Variants in UNC13C observed in about 807,000 individuals in gnomAD.
UNC13C encodes unc-13 homolog C, also known as protein unc-13 homolog C.
UNC13C carries 174 observed loss-of-function variants against 245.4 expected under a neutral mutation model. The observed-to-expected ratio is 0.71, with a 90% CI of 0.63 to 0.80. UNC13C has a LOEUF of 0.80. Among genes scored for constraint, UNC13C ranks in the 30% least tolerant of loss-of-function variants. UNC13C has a pLI of 0.00. For synonymous variants in UNC13C, 992 were observed against 895.1 expected, an observed-to-expected ratio of 1.11 and a Z score of -1.93; for missense variants, 2,829 against 2,602.9, an observed-to-expected ratio of 1.09 and a Z score of -1.89.
At chr15:54,625,488 A>G (rs574231330) in intron 32 of UNC13C, among the ~76,000 whole-genome samples, 1 of 152,254 alleles carries the variant, frequency 6.6e-6, no homozygotes, top group African/African-American at 2.4e-5. Flanking sequence ...AATGTTTTAA[A>G]TCTATTAATT....
intron 1 of UNC13C, among the ~76,000 whole-genome samples, chr15:53,985,938 C>T (rs778438669): frequency 6.6e-6 from 1 of 152,022 alleles, no homozygotes; most frequent in African/African-American, 2.4e-5. Context: ...CATTTACCTC[C>T]CTCCTGAGCA....
chr15:54,160,496 G>C (rs1403185370), intron 4 of UNC13C, among the ~76,000 whole-genome samples: 1 of 151,386 alleles, frequency 6.6e-6, no homozygotes, highest in Non-Finnish European at 1.5e-5. Context: ...ACTTACTTAT[G>C]TTCTGAAAAA....
chr15:54,254,357 A>G (rs527583835), intron 8 of UNC13C, among the ~76,000 whole-genome samples: 2 of 152,232 alleles, frequency 1.3e-5, no homozygotes, highest in Admixed American at 6.5e-5. Flanking sequence ...GTGAACATGT[A>G]TCTTGGAAAG....
intron 17 of UNC13C, among the ~76,000 whole-genome samples, chr15:54,391,088 C>T (rs1373909312): frequency 2.6e-5 from 4 of 152,124 alleles, no homozygotes; most frequent in Non-Finnish European, 5.9e-5. Flanking sequence ...ATTTCAACTA[C>T]TTCTGTCTCT....
chr15:54,159,311 T>C (rs2032879817), intron 4 of UNC13C, among the ~76,000 whole-genome samples: 2 of 152,192 alleles, frequency 1.3e-5, no homozygotes, highest in South Asian at 4.1e-4. Flanking sequence ...ACAGTAAATA[T>C]CTTACACAGA....
chr15:54,029,647 C>G (rs1338122805), intron 2 of UNC13C, among the ~76,000 whole-genome samples: 1 of 152,180 alleles, frequency 6.6e-6, no homozygotes, highest in Non-Finnish European at 1.5e-5. Context: ...TATTAGTAAT[C>G]AGCAAGAAAG....
At chr15:54,131,039 T>C (rs185333529) in intron 2 of UNC13C, among the ~76,000 whole-genome samples, 9 of 152,354 alleles carry the variant, frequency 5.9e-5, no homozygotes, top group Non-Finnish European at 1.2e-4. Flanking sequence ...TGTTTCAATA[T>C]TCCTGTGAGC....
intron 4 of UNC13C, among the ~76,000 whole-genome samples, chr15:54,207,906 G>A (rs2034764875): frequency 6.6e-6 from 1 of 152,072 alleles, no homozygotes; most frequent in Admixed American, 6.6e-5. Context: ...AAGCATAATA[G>A]TAGTTCCATT....
At chr15:54,248,399 T>C (rs2036052997) in intron 7 of UNC13C, among the ~76,000 whole-genome samples, 1 of 152,130 alleles carries the variant, frequency 6.6e-6, no homozygotes, top group Non-Finnish European at 1.5e-5. Flanking sequence ...AAATCTGTTA[T>C]GCCAAGGATT....
intron 2 of UNC13C, among the ~76,000 whole-genome samples, chr15:54,055,059 G>A (rs1232726667): frequency 6.6e-6 from 1 of 152,016 alleles, no homozygotes; most frequent in Non-Finnish European, 1.5e-5. Flanking sequence ...ATTATTATAG[G>A]GGTCAAGCTT....
intron 16 of UNC13C, among the ~76,000 whole-genome samples, chr15:54,336,039 T>C (rs1596242290): frequency 7.5e-6 from 1 of 134,182 alleles, no homozygotes; most frequent in African/African-American, 3.2e-5. Context: ...ATTAATAATA[T>C]TGAGAATTTT....
intron 19 of UNC13C, among the ~76,000 whole-genome samples, chr15:54,437,121 C>G (rs1348535874): frequency 6.6e-6 from 1 of 151,816 alleles, no homozygotes; most frequent in Non-Finnish European, 1.5e-5. Flanking sequence ...TGTCTTTTCC[C>G]CATTGTAAAA....
At chr15:53,887,271 C>T in the UNC13C span, among the ~76,000 whole-genome samples, 4 of 152,122 alleles carry the variant, frequency 2.6e-5, no homozygotes, top group African/African-American at 9.7e-5. Context: ...AAAATATTGA[C>T]TGCATTAAAA....
At chr15:54,219,937 C>G (rs1170421383) in intron 4 of UNC13C, among the ~76,000 whole-genome samples, 2 of 151,064 alleles carry the variant, frequency 1.3e-5, no homozygotes, top group African/African-American at 2.5e-5. Flanking sequence ...ATTAAAAAGT[C>G]AGGAAACAAC....
At chr15:54,333,599 C>T (rs1021911212) in intron 15 of UNC13C, among the ~76,000 whole-genome samples, 168 bp from the exon 16 acceptor site, 12 of 152,032 alleles carry the variant, frequency 7.9e-5, no homozygotes, top group South Asian at 6.2e-4. Flanking sequence ...AAATTGTTTA[C>T]GTTCTATAAT....
intron 2 of UNC13C, among the ~76,000 whole-genome samples, chr15:54,063,289 G>A (rs4641681): frequency 0.97 from 147,424 of 152,174 alleles, 71,608 homozygotes; most frequent in Middle Eastern, 1. Flanking sequence ...GGGAAGGGTA[G>A]TTCCAAAGCA....
At chr15:54,197,210 C>G (rs1375163736) in intron 4 of UNC13C, among the ~76,000 whole-genome samples, 1 of 152,126 alleles carries the variant, frequency 6.6e-6, no homozygotes, top group African/African-American at 2.4e-5. Flanking sequence ...GGCACAGTGG[C>G]TCACGCCTGT....
intron 8 of UNC13C, among the ~76,000 whole-genome samples, chr15:54,262,608 A>T (rs1340469828): frequency 1.3e-5 from 2 of 152,198 alleles, no homozygotes; most frequent in Non-Finnish European, 2.9e-5. Context: ...TATTCTAGGG[A>T]CATGTTTCAA....
intron 30 of UNC13C, among the ~76,000 whole-genome samples, chr15:54,570,443 T>G (rs958718220): frequency 1.1e-4 from 16 of 152,328 alleles, no homozygotes; most frequent in South Asian, 1.0e-3. Flanking sequence ...TAAAATTCTC[T>G]TCTCTACCTG....
Sources: gnomAD v4.1 joint callset for allele counts (sites outside exome capture counted in the v4.1 genomes callset) on GRCh38, gnomAD v4.1.1 for gene constraint, MANE v1.5 for transcripts, NCBI Gene and HGNC (gene_info 2026-07-23, HGNC 2026-07-21) for gene names.